WBP2NL: variants seen among roughly 807,000 people sequenced by gnomAD.
WBP2NL encodes the protein WBP2 N-terminal like, also known as postacrosomal sheath WW domain-binding protein.
WBP2NL carries 27 observed loss-of-function variants against 23.3 expected under a neutral mutation model. The ratio of observed to expected loss-of-function variants is 1.16; its 90% CI spans 0.85 to 1.60. WBP2NL has a LOEUF of 1.60. Ranked by LOEUF, WBP2NL falls within the 40% of genes most tolerant of loss-of-function variation. WBP2NL has a pLI of 0.00. For missense variants in WBP2NL, 370 were observed against 389.5 expected, an observed-to-expected ratio of 0.95 and a Z score of 0.42; for synonymous variants, 151 against 145.9, an observed-to-expected ratio of 1.03 and a Z score of -0.25.
intron 5 of WBP2NL, among the ~76,000 whole-genome samples, chr22:42,025,257 A>G (rs1461077840): frequency 6.6e-6 from 1 of 152,220 alleles, no homozygotes; most frequent in African/African-American, 2.4e-5. Context: ...TTTAGCTCTT[A>G]TATCAAGCTT....
chr22:42,016,257 A>G (rs999090462), intron 1 of WBP2NL, among the ~76,000 whole-genome samples: 4 of 152,178 alleles, frequency 2.6e-5, no homozygotes, highest in African/African-American at 9.7e-5. Flanking sequence ...CTGAGATTAC[A>G]GGTATGAACC....
chr22:42,043,519 T>G (rs975995695), intron 8 of WBP2NL, among the ~76,000 whole-genome samples: 1 of 152,076 alleles, frequency 6.6e-6, no homozygotes, highest in African/African-American at 2.4e-5. Flanking sequence ...ACACACACAG[T>G]GGCAGTTATG....
intron 4 of WBP2NL, 141 bp from the exon 5 acceptor site, chr22:42,022,108 T>A: frequency 1.4e-6 from 1 of 707,266 alleles, no homozygotes; most frequent in Non-Finnish European, 2.4e-6. Context: ...CCCATGTTTC[T>A]TTTTTATCTT....
chr22:42,039,727 ATCT>A (rs892656961), intron 8 of WBP2NL, among the ~76,000 whole-genome samples: 12 of 151,582 alleles, frequency 7.9e-5, no homozygotes, highest in African/African-American at 2.9e-4. Flanking sequence ...ATTTATTTGA[ATCT>A]TCTTTTTTAA....
rs183488684 is a variant in WBP2NL at position 42,010,309 on chromosome 22, C to G, written c.63-9002C>G. ...ATTTATTTATTTATTTTATTTTTTG[C>G]CTAATTGCTCTGGCTAGGACTTCCA... On this transcript the variant is annotated intron_variant, in intron 1 of 5. Transcript: ENST00000328823. 5.3e-5 allele frequency among the ~76,000 whole-genome samples: 8 copies of G among 152,062 alleles called. No homozygotes were observed. The East Asian group carries it at 1.5e-3, about 29-fold the overall frequency.
chr22:42,039,485 G>A (rs188913591), intron 8 of WBP2NL, among the ~76,000 whole-genome samples: 284 of 151,570 alleles, frequency 1.9e-3, no homozygotes, highest in African/African-American at 6.6e-3. Context: ...GAGCCACTAC[G>A]CTCAGCCTGG....
At chr22:42,004,012 C>A (rs1485871100) in intron 1 of WBP2NL, among the ~76,000 whole-genome samples, 1 of 152,238 alleles carries the variant, frequency 6.6e-6, no homozygotes, top group Non-Finnish European at 1.5e-5. Context: ...TGGCTCACGC[C>A]TGCAGTCCCA....
At chr22:42,028,563 G>T (rs1924710437), downstream of WBP2NL, 1 of 152,400 alleles carries the variant, frequency 6.6e-6, no homozygotes, top group African/African-American at 2.4e-5. Context: ...CATATACATA[G>T]TCAGCATAGG....
At chr22:42,000,984 C>T in intron 1 of WBP2NL, 1 of 481,250 alleles carries the variant, frequency 2.1e-6, no homozygotes, top group African/African-American at 2.0e-5. Flanking sequence ...TAGAGGGAGA[C>T]TCCGTCTCAA....
At position 42,028,129 on chromosome 22, in the gene WBP2NL, T is replaced by C. The variant is rs1254974999; in HGVS notation, c.*948T>C. The stretch of plus-strand genomic sequence containing the variant: ...ATTCATTGTTTCTAACAGCACAAAA[T>C]TAGAAATAACCTATATGTCCATTAA... On this transcript the variant is annotated 3_prime_UTR_variant, in exon 6 of 6. Coordinates refer to ENST00000328823, the MANE Select transcript of WBP2NL (RefSeq NM_152613.3). The C allele has an allele frequency of 7.5e-6, 3 of 398,300 alleles. No homozygotes were observed. Among genetic ancestry groups the C allele is most frequent in the Non-Finnish European group, 4.4e-6 (1 of 226,002 alleles). The allele number at this position is 398,300 out of a possible 1,614,324, so 24.7% of individuals were successfully genotyped here. A position where few individuals can be genotyped will look rare whatever the true frequency, so the allele number is the denominator to read the frequency against.
At chr22:42,016,011 C>T (rs992627831) in intron 1 of WBP2NL, among the ~76,000 whole-genome samples, 4 of 151,128 alleles carry the variant, frequency 2.6e-5, no homozygotes, top group Non-Finnish European at 4.4e-5. Context: ...GATGAAATTT[C>T]GCTCTTGTTC....
At chr22:42,004,713 C>CA (rs1168640082) in intron 1 of WBP2NL, among the ~76,000 whole-genome samples, 5 of 150,694 alleles carry the variant, frequency 3.3e-5, no homozygotes, top group African/African-American at 1.2e-4. Context: ...TGCTTGAGGT[C>CA]AGGAGTTCCA....
rs1328130896 is a variant in WBP2NL at position 42,049,691 on chromosome 22, AAAACAAAACAAAAC to A, written c.*274-8595_*274-8582del. Among the ~76,000 whole-genome samples the A allele has an allele frequency of 2.1e-3, 120 of 56,284 alleles. 7 individuals are homozygous for A. Among genetic ancestry groups the A allele is most frequent in the African/African-American group, 0.019 (114 of 5,912 alleles). 36.9% of individuals were successfully genotyped at this position (56,284 alleles called of 152,430 possible). ...GGTGACAGAGCGAGACTCCGTCTCC[AAAACAAAACAAAAC>A]AAAAAAAAAAAAAAAAAAAAAAAAA... On this transcript the variant is annotated intron_variant and NMD_transcript_variant, in intron 8 of 8. Transcript: ENST00000436265.
chr22:42,042,047 C>A (rs1018478845), intron 8 of WBP2NL, among the ~76,000 whole-genome samples: 1 of 152,188 alleles, frequency 6.6e-6, no homozygotes, highest in African/African-American at 2.4e-5. Context: ...TGCTGATAGT[C>A]TCATAGGGAT....
rs376342281 is a variant in WBP2NL at position 41,998,788 on chromosome 22, A to G, written c.-31A>G. On this transcript the variant is annotated 5_prime_UTR_variant, in exon 1 of 6. Coordinates refer to ENST00000328823, the MANE Select transcript of WBP2NL (RefSeq NM_152613.3). ...CTCGGCGCAGGTCCCGCCCCTTTCC[A>G]TCTACGGGGCGGCAGGAGGCCCGAA... 1.1e-5 allele frequency: 18 copies of G among 1,599,270 alleles called. No homozygotes were observed. Among genetic ancestry groups the G allele is most frequent in the Non-Finnish European group, 1.5e-5 (17 of 1,171,946 alleles).
At chr22:42,038,896 G>A (rs919685488) in intron 8 of WBP2NL, among the ~76,000 whole-genome samples, 1 of 150,168 alleles carries the variant, frequency 6.7e-6, no homozygotes. Flanking sequence ...GAGCCACTGC[G>A]TCCAGCTGGA....
intron 1 of WBP2NL, among the ~76,000 whole-genome samples, chr22:42,013,903 C>T (rs1923071495): frequency 6.6e-6 from 1 of 151,998 alleles, no homozygotes; most frequent in Admixed American, 6.6e-5. Context: ...GCCTCAGCCT[C>T]CGGAGTAGCT....
rs772948612 is a variant in WBP2NL, at chr22:42,027,220, G to A, written c.*39G>A. 4 of 1,556,170 alleles carry A rather than the reference G, an allele frequency of 2.6e-6. No individual in the cohort carries two copies. The Middle Eastern group carries it at 5.2e-4, about 202-fold the overall frequency. On this transcript the variant is annotated 3_prime_UTR_variant, in exon 6 of 6. Coordinates refer to ENST00000328823, the MANE Select transcript of WBP2NL (RefSeq NM_152613.3). ...AAACCTTGAAGACTCACCAAGCAAAGAGGTACCCTAAAATTGAAGTCAGGA... is the reference window on the plus strand; with the variant it reads ...AAACCTTGAAGACTCACCAAGCAAAAAGGTACCCTAAAATTGAAGTCAGGA...
intron 1 of WBP2NL, among the ~76,000 whole-genome samples, chr22:42,002,341 G>A (rs998321548): frequency 2.0e-5 from 3 of 152,148 alleles, no homozygotes; most frequent in African/African-American, 7.2e-5. Context: ...CCAGCACTTT[G>A]GGAGGCCAAG....
Sources: gnomAD v4.1 joint callset for allele counts (sites outside exome capture counted in the v4.1 genomes callset) on GRCh38, gnomAD v4.1.1 for gene constraint, MANE v1.5 for transcripts, NCBI Gene and HGNC (gene_info 2026-07-23, HGNC 2026-07-21) for gene names.